ZNF385B: variants seen among roughly 807,000 people sequenced by gnomAD.
ZNF385B encodes the protein zinc finger protein 533.
Under a neutral mutation model 39.2 loss-of-function variants are expected in ZNF385B, and 23 were observed. The observed-to-expected ratio is 0.59, with a 90% CI of 0.42 to 0.83. The LOEUF (loss-of-function observed/expected upper bound fraction) is 0.83, where lower values mean the gene tolerates loss of function less well. ZNF385B is among the 40% of genes least tolerant of loss of function. The pLI, the probability that ZNF385B is intolerant of heterozygous loss-of-function variation, is 0.00. For synonymous variants in ZNF385B, 205 were observed against 222.6 expected, an observed-to-expected ratio of 0.92 and a Z score of 0.70; for missense variants, 552 against 598.9, an observed-to-expected ratio of 0.92 and a Z score of 0.82.
At chr2:179,638,929 TG>T (rs1692004647) in intron 3 of ZNF385B, among the ~76,000 whole-genome samples, 1 of 151,882 alleles carries the variant, frequency 6.6e-6, no homozygotes, top group South Asian at 2.1e-4. Flanking sequence ...ACTATTGAAT[TG>T]GGAAATGGTC....
At chr2:179,617,817 T>C (rs527358162) in intron 3 of ZNF385B, among the ~76,000 whole-genome samples, 2 of 152,302 alleles carry the variant, frequency 1.3e-5, no homozygotes, top group African/African-American at 4.8e-5. Context: ...CATCCAAATA[T>C]TGGCCATTAT....
intron 4 of ZNF385B, among the ~76,000 whole-genome samples, chr2:179,526,775 T>C (rs554909247): frequency 6.6e-6 from 1 of 152,308 alleles, no homozygotes; most frequent in Admixed American, 6.5e-5. Context: ...TGCTATCAGT[T>C]CTGCTGAAAG....
intron 3 of ZNF385B, among the ~76,000 whole-genome samples, chr2:179,666,837 C>T (rs572571024): frequency 6.6e-6 from 1 of 152,152 alleles, no homozygotes; most frequent in Non-Finnish European, 1.5e-5. Flanking sequence ...TTTCTCTCAC[C>T]AAAAGGGCTA....
intron 9 of ZNF385B, among the ~76,000 whole-genome samples, chr2:179,444,330 T>G (rs1053162550): frequency 1.8e-4 from 28 of 152,162 alleles, no homozygotes; most frequent in African/African-American, 6.5e-4. Flanking sequence ...ATGACACTTA[T>G]TGCTGGAGTC....
chr2:179,679,296 C>G (rs193229692), intron 3 of ZNF385B, among the ~76,000 whole-genome samples: 56 of 152,314 alleles, frequency 3.7e-4, no homozygotes, highest in African/African-American at 1.3e-3. Context: ...GTTTATGTAA[C>G]TACACTCTAT....
At chr2:179,717,905 GT>G (rs1403563007) in intron 3 of ZNF385B, among the ~76,000 whole-genome samples, 1 of 135,988 alleles carries the variant, frequency 7.4e-6, no homozygotes, top group African/African-American at 2.6e-5. Flanking sequence ...ATCATATGTT[GT>G]TTATTAGCTG....
chr2:179,683,637 G>A (rs965699436), intron 3 of ZNF385B, among the ~76,000 whole-genome samples: 6 of 151,802 alleles, frequency 4.0e-5, no homozygotes, highest in African/African-American at 1.4e-4. Context: ...CATAATACCC[G>A]GCTAATTTTT....
intron 3 of ZNF385B, among the ~76,000 whole-genome samples, chr2:179,618,688 T>C (rs1033268337): frequency 7.2e-5 from 11 of 152,168 alleles, no homozygotes; most frequent in African/African-American, 2.4e-4. Flanking sequence ...ATGTGATGCA[T>C]GGAGTAGGGG....
intron 6 of ZNF385B, among the ~76,000 whole-genome samples, chr2:179,476,096 A>G (rs1196910289): frequency 6.6e-6 from 1 of 151,808 alleles, no homozygotes; most frequent in Admixed American, 6.6e-5. Flanking sequence ...CACAGAATAT[A>G]CACGTATTTA....
At chr2:179,506,465 A>T (rs923569291) in intron 5 of ZNF385B, among the ~76,000 whole-genome samples, 3 of 152,152 alleles carry the variant, frequency 2.0e-5, no homozygotes, top group Non-Finnish European at 4.4e-5. Flanking sequence ...TAAGAAATAA[A>T]CGAAAATAAA....
chr2:179,784,012 C>A (rs149177684), intron 1 of ZNF385B, among the ~76,000 whole-genome samples: 2 of 152,068 alleles, frequency 1.3e-5, no homozygotes, highest in South Asian at 2.1e-4. Flanking sequence ...GTCTTAAAGA[C>A]AAATGCACAT....
At chr2:179,815,591 C>A (rs972473865) in intron 1 of ZNF385B, among the ~76,000 whole-genome samples, 2 of 152,156 alleles carry the variant, frequency 1.3e-5, no homozygotes, top group Non-Finnish European at 1.5e-5. Flanking sequence ...GAGAACAATT[C>A]TTTTAACATG....
chr2:179,796,615 C>CTAG (rs954809392), intron 1 of ZNF385B, among the ~76,000 whole-genome samples: 14 of 152,316 alleles, frequency 9.2e-5, no homozygotes, highest in African/African-American at 3.4e-4. Context: ...CAGAGAGTGG[C>CTAG]TAGTACTGCC....
intron 1 of ZNF385B, among the ~76,000 whole-genome samples, chr2:179,782,491 A>T (rs116374555): frequency 3.4e-3 from 517 of 152,332 alleles, no homozygotes; most frequent in South Asian, 7.3e-3. Flanking sequence ...CAGAGCAATC[A>T]GACAAGGGAA....
chr2:179,813,383 T>A (rs1706855651), intron 1 of ZNF385B, among the ~76,000 whole-genome samples: 2 of 152,196 alleles, frequency 1.3e-5, no homozygotes, highest in African/African-American at 4.8e-5. Flanking sequence ...ATTGGTCATT[T>A]GACTCCTAAA....
intron 5 of ZNF385B, among the ~76,000 whole-genome samples, chr2:179,486,880 C>T (rs546950375): frequency 7.8e-4 from 118 of 152,252 alleles, no homozygotes; most frequent in Admixed American, 2.4e-3. Context: ...TGTGCCACTG[C>T]ACTCTGGCCC....
At chr2:179,799,300 G>C in intron 1 of ZNF385B, among the ~76,000 whole-genome samples, 1 of 151,962 alleles carries the variant, frequency 6.6e-6, no homozygotes, top group Admixed American at 6.6e-5. Context: ...TTCATTTAAG[G>C]CATCAATGTT....
At chr2:179,774,352 C>T (rs989002719) in intron 1 of ZNF385B, among the ~76,000 whole-genome samples, 15 of 151,456 alleles carry the variant, frequency 9.9e-5, no homozygotes, top group Non-Finnish European at 1.6e-4. Context: ...TAACCAAGGT[C>T]AATGTTTTCT....
intron 1 of ZNF385B, among the ~76,000 whole-genome samples, chr2:179,849,457 C>A (rs770252051): frequency 6.6e-6 from 1 of 152,156 alleles, no homozygotes; most frequent in African/African-American, 2.4e-5. Flanking sequence ...GAAGGAGTTG[C>A]ATAATAGCTG....
Sources: gnomAD v4.1 joint callset for allele counts (sites outside exome capture counted in the v4.1 genomes callset) on GRCh38, gnomAD v4.1.1 for gene constraint, MANE v1.5 for transcripts, NCBI Gene and HGNC (gene_info 2026-07-23, HGNC 2026-07-21) for gene names.